The following OPHN1 variants were observed in gnomAD, a reference collection of about 807,000 sequenced individuals.
The protein encoded by OPHN1 is oligophrenin-1.
OPHN1 carries 11 observed loss-of-function variants against 60.7 expected under a neutral mutation model. The observed-to-expected ratio is 0.18, with a 90% CI of 0.11 to 0.30. The LOEUF is 0.30. Ranked by LOEUF, OPHN1 falls within the 10% of genes least tolerant of loss-of-function variation. OPHN1 has a pLI of 1.00. For missense variants in OPHN1, 449 were observed against 611.0 expected (o/e 0.73, Z 2.80); for synonymous variants, 226 against 222.6 (o/e 1.02, Z -0.14).
intron 18 of OPHN1, among the ~76,000 whole-genome samples, chrX:68,100,360 A>G (rs1009048216): frequency 8.9e-6 from 1 of 111,947 alleles, no homozygotes; most frequent in African/African-American, 3.2e-5. Flanking sequence ...AATGGATAAT[A>G]TTATTACATT....
chrX:68,309,650 T>C (rs1463907701), intron 2 of OPHN1, among the ~76,000 whole-genome samples: 1 of 112,329 alleles, frequency 8.9e-6, no homozygotes, highest in East Asian at 2.8e-4. Context: ...GACATGCAAA[T>C]AGCTATGAAA....
chrX:68,415,624 T>C (rs1174278658), intron 2 of OPHN1, among the ~76,000 whole-genome samples: 2 of 111,940 alleles, frequency 1.8e-5, no homozygotes, highest in African/African-American at 6.5e-5. Flanking sequence ...TGTTAGCTTA[T>C]GACAAATAAC....
intron 15 of OPHN1, among the ~76,000 whole-genome samples, chrX:68,171,505 G>A (rs1289926061): frequency 1.8e-5 from 2 of 111,418 alleles, no homozygotes; most frequent in Non-Finnish European, 3.8e-5. Context: ...GGAGGCTGAG[G>A]CGGGCAGATC....
intron 15 of OPHN1, among the ~76,000 whole-genome samples, chrX:68,158,678 G>A (rs748335078): frequency 8.9e-6 from 1 of 112,094 alleles, no homozygotes; most frequent in South Asian, 3.8e-4. Flanking sequence ...CCCCTGGATG[G>A]CTTAGCAGGA....
At chrX:68,150,802 C>T (rs1428414781) in intron 15 of OPHN1, among the ~76,000 whole-genome samples, 3 of 111,579 alleles carry the variant, frequency 2.7e-5, no homozygotes, top group Admixed American at 9.6e-5. Flanking sequence ...AAAATTTGTA[C>T]GGAAGAGTAC....
intron 15 of OPHN1, among the ~76,000 whole-genome samples, chrX:68,141,536 T>C (rs1201591745): frequency 2.7e-5 from 3 of 111,898 alleles, no homozygotes; most frequent in East Asian, 2.8e-4. Context: ...CCACAAGATA[T>C]AAACTTTAAG....
chrX:68,215,956 A>C (rs2077606493), intron 6 of OPHN1, among the ~76,000 whole-genome samples: 1 of 111,969 alleles, frequency 8.9e-6, no homozygotes, highest in Admixed American at 9.5e-5. Flanking sequence ...AAAGAAATAA[A>C]TGAAGATTAA....
At chrX:68,183,983 A>AT (rs1487522384) in intron 15 of OPHN1, among the ~76,000 whole-genome samples, 2 of 111,718 alleles carry the variant, frequency 1.8e-5, no homozygotes, top group African/African-American at 3.3e-5. Context: ...TAGGCTGTGA[A>AT]TTTTTTTCTT....
In OPHN1 at chrX:68,194,471, G is replaced by C; in HGVS notation, c.1132C>G (p.Gln378Glu). 8.3e-7 allele frequency: 1 copy of C among 1,207,332 alleles called. No homozygotes were observed. Among genetic ancestry groups the C allele is most frequent in the Non-Finnish European group, 1.1e-6 (1 of 891,798 alleles). ...AAAAACTTAAGTGACTCACTTTCTT[G>C]CTGTTTTGTTATAGGGCTGTGGTAG... The part of the protein sequence containing the change: ...PIYHSPITKQ[Q>E]EMELNEVGFK... Residue 378 changes from glutamine (Q) to glutamate (E), a missense_variant, in exon 13 of 25, where the codon CAA (glutamine) becomes GAA (glutamate). By Grantham distance (29) the Gln-to-Glu change is conservative (BLOSUM62 2). Coordinates refer to ENST00000355520, the MANE Select transcript of OPHN1 (RefSeq NM_002547.3).
chrX:68,205,565 G>T (rs1037484028), intron 10 of OPHN1, among the ~76,000 whole-genome samples: 1 of 111,697 alleles, frequency 9.0e-6, no homozygotes, highest in African/African-American at 3.3e-5. Context: ...TTAAAGCAGG[G>T]AGCTAAATCT....
intron 5 of OPHN1, among the ~76,000 whole-genome samples, chrX:68,274,366 G>A (rs1235244459): frequency 8.9e-6 from 1 of 112,050 alleles, no homozygotes; most frequent in Admixed American, 9.5e-5. Flanking sequence ...ATGATAGCTA[G>A]CTAGTTTTCC....
intron 2 of OPHN1, among the ~76,000 whole-genome samples, chrX:68,389,799 C>T (rs2078644685): frequency 9.1e-6 from 1 of 109,365 alleles, no homozygotes; most frequent in South Asian, 3.9e-4. Context: ...TGACTTTGGG[C>T]GAGGGGGATA....
chrX:68,201,019 T>TA (rs1409311751), intron 11 of OPHN1, among the ~76,000 whole-genome samples: 2 of 111,532 alleles, frequency 1.8e-5, no homozygotes, highest in East Asian at 5.6e-4. Flanking sequence ...CAGGTTCAAG[T>TA]AAAAAAAGAG....
chrX:68,139,695 A>G, intron 15 of OPHN1, among the ~76,000 whole-genome samples: 1 of 112,475 alleles, frequency 8.9e-6, no homozygotes, highest in East Asian at 2.8e-4. Context: ...TGTGCTAAGT[A>G]CATTTATAAT....
At chrX:68,433,123 C>G in intron 1 of OPHN1, 45 bp downstream of exon 1, 1 of 865,470 alleles carries the variant, frequency 1.2e-6, no homozygotes, top group Non-Finnish European at 1.6e-6. Flanking sequence ...GCGCGCGACC[C>G]GCTTAAGGAA....
chrX:68,164,322 A>G (rs770571002), intron 15 of OPHN1, among the ~76,000 whole-genome samples: 1 of 112,100 alleles, frequency 8.9e-6, no homozygotes, highest in Non-Finnish European at 1.9e-5. Flanking sequence ...ATGGCCTTAC[A>G]AAATGTATTT....
chrX:68,197,722 G>A (rs1179664824), intron 11 of OPHN1, among the ~76,000 whole-genome samples: 1 of 111,411 alleles, frequency 9.0e-6, no homozygotes, highest in Non-Finnish European at 1.9e-5. Flanking sequence ...AACATTTTGA[G>A]TTGCAATAAA....
chrX:68,155,774 G>A (rs951195674), intron 15 of OPHN1, among the ~76,000 whole-genome samples: 1 of 111,841 alleles, frequency 8.9e-6, no homozygotes, highest in Non-Finnish European at 1.9e-5. Flanking sequence ...AACCTGATAA[G>A]CAGCTTACAA....
At chrX:68,074,210 G>A (rs1308324641) in intron 19 of OPHN1, among the ~76,000 whole-genome samples, 1 of 111,722 alleles carries the variant, frequency 9.0e-6, no homozygotes, top group African/African-American at 3.3e-5. Flanking sequence ...ATCCCATCAG[G>A]CAAGGGTCAA....
Sources: allele counts gnomAD v4.1 joint callset (sites outside exome capture counted in the v4.1 genomes callset), GRCh38; gene constraint gnomAD v4.1.1; transcripts MANE v1.5; gene names NCBI Gene and HGNC (gene_info 2026-07-23, HGNC 2026-07-21).